Variants in TMEM147 observed in about 807,000 individuals in gnomAD.
TMEM147 encodes transmembrane protein 147.
A neutral mutation model predicts 29.4 loss-of-function variants in TMEM147; 29 were observed. The observed-to-expected ratio is 0.99, with a 90% CI of 0.73 to 1.34. TMEM147 has a LOEUF of 1.34. Among genes scored for constraint, TMEM147 ranks in the 40% most tolerant of loss-of-function variants. TMEM147 has a pLI of 0.00. For missense variants in TMEM147, 260 were observed against 289.4 expected (o/e 0.90, Z 0.74); for synonymous variants, 121 against 111.8 (o/e 1.08, Z -0.52).
At position 35,545,872 on chromosome 19, in the gene TMEM147, C is replaced by T. The variant is rs776430293; in HGVS notation, c.78-16C>T. The T allele has an allele frequency of 1.1e-5, 17 of 1,613,810 alleles. No homozygotes were observed. Among genetic ancestry groups the T allele is most frequent in the Middle Eastern group, 3.3e-4 (2 of 6,078 alleles). On this transcript the variant is annotated splice_polypyrimidine_tract_variant and intron_variant, in intron 1 of 6. Coordinates refer to ENST00000222284, the MANE Select transcript of TMEM147 (RefSeq NM_032635.4). The stretch of plus-strand genomic sequence containing the variant: ...GGCGCGGGGCCCGGGCCGACCCTCA[C>T]CTCCCGCTTCTCCAGGTCCGAGTAC...
chr19:35,545,748 G>A lies in TMEM147; in HGVS notation c.9G>A (p.Leu3=). The A allele has an allele frequency of 1.9e-6, 3 of 1,612,432 alleles. No individual in the cohort carries two copies. The highest frequency in any genetic ancestry group is 1.7e-6 in the Non-Finnish European group (2 of 1,179,858). MT[L]FHFGNCFALA... Reference sequence around the variant, plus strand: ...ACCGGGCGGCCGGCATCATGACCCTGTTTCACTTCGGGAACTGCTTCGCTC... The same window carrying A: ...ACCGGGCGGCCGGCATCATGACCCTATTTCACTTCGGGAACTGCTTCGCTC... Residue 3 remains leucine (L), a synonymous_variant, in exon 1 of 7, where the codon CTG becomes CTA. Transcript: ENST00000222284.
At position 35,545,948 on chromosome 19, in the gene TMEM147, A is replaced by G. The variant is rs770882674; in HGVS notation, c.138A>G (p.Gln46=). The G allele has an allele frequency of 1.2e-6, 2 of 1,613,100 alleles. No individual in the cohort carries two copies. The highest frequency in any genetic ancestry group is 1.7e-6 in the Non-Finnish European group (2 of 1,179,726). Residue 46 remains glutamine (Q), a synonymous_variant, in exon 2 of 7, where the codon CAA becomes CAG. Coordinates refer to ENST00000222284, the MANE Select transcript of TMEM147 (RefSeq NM_032635.4). ...VQAGVTYLFV[Q]LCKMLFLATF... ...CTGGAGTCACCTACCTCTTTGTCCA[A>G]CTCTGCAAGGTGAGGGCCACCGGGA...
At chr19:35,546,505 C>G in intron 2 of TMEM147, 21 bp from the exon 3 acceptor site, 2 of 1,606,036 alleles carry the variant, frequency 1.2e-6, no homozygotes, top group Non-Finnish European at 1.7e-6. Context: ...GAAGTGACCT[C>G]TTTCTGCTTT....
In TMEM147 at chr19:35,545,688, C is replaced by A; in HGVS notation, c.-52C>A. 6.3e-7 allele frequency: 1 copy of A among 1,591,022 alleles called. No homozygotes were observed. The highest frequency in any genetic ancestry group is 8.5e-7 in the Non-Finnish European group (1 of 1,172,196). On this transcript the variant is annotated 5_prime_UTR_variant, in exon 1 of 7. Transcript: ENST00000222284. ...GCCGGCGGAGCCGGAGACCCGCTCC[C>A]GGAGACGCCGCCTCGCGATCCCCGC...
At chr19:35,546,890 G>T in intron 4 of TMEM147, 55 bp from the exon 5 acceptor site, 1 of 1,614,158 alleles carries the variant, frequency 6.2e-7, no homozygotes, top group East Asian at 2.2e-5. Flanking sequence ...GGGGCTCAAA[G>T]CCTGGTGCTG....
intron 5 of TMEM147, 36 bp downstream of exon 5, chr19:35,547,065 C>G: frequency 2.5e-6 from 4 of 1,614,242 alleles, no homozygotes; most frequent in Non-Finnish European, 3.4e-6. Context: ...CACATTTCTG[C>G]TGGCGGCCAT....
Position 35,545,704 on chromosome 19 carries a change from C to A in TMEM147, c.-36C>A, listed in dbSNP as rs1215098530. On this transcript the variant is annotated 5_prime_UTR_variant, in exon 1 of 7. Transcript: ENST00000222284. The stretch of plus-strand genomic sequence containing the variant: ...ACCCGCTCCCGGAGACGCCGCCTCG[C>A]GATCCCCGCGCGGGCGGGACCGGGC... The A allele has an allele frequency of 1.5e-5, 24 of 1,600,556 alleles. No individual in the cohort carries two copies. The highest frequency in any genetic ancestry group is 2.0e-5 in the Non-Finnish European group (23 of 1,177,102).
intron 6 of TMEM147, 39 bp from the exon 7 acceptor site, chr19:35,547,285 T>C (rs746184682): frequency 2.5e-6 from 4 of 1,614,094 alleles, no homozygotes; most frequent in Non-Finnish European, 3.4e-6. Context: ...TGGGGTGGGT[T>C]ATCTAGTCTC....
chr19:35,546,002 C>A (rs2071551935), intron 2 of TMEM147, 45 bp downstream of exon 2: 2 of 1,591,818 alleles, frequency 1.3e-6, no homozygotes, highest in East Asian at 2.3e-5. Flanking sequence ...CCAGGCTCTG[C>A]AGACCCAGGG....
Position 35,545,962 on chromosome 19 carries a change from G to T in TMEM147, c.147+5G>T, listed in dbSNP as rs759445870. ...CTCTTTGTCCAACTCTGCAAGGTGAGGGCCACCGGGAAGCCACGTGTTCTG... is the reference window on the plus strand; with the variant it reads ...CTCTTTGTCCAACTCTGCAAGGTGATGGCCACCGGGAAGCCACGTGTTCTG... On this transcript the variant is annotated splice_donor_5th_base_variant and intron_variant, in intron 2 of 6. Coordinates refer to ENST00000222284, the MANE Select transcript of TMEM147 (RefSeq NM_032635.4). 6.2e-7 allele frequency: 1 copy of T among 1,612,766 alleles called. No homozygotes were observed. Among genetic ancestry groups the T allele is most frequent in the African/African-American group, 1.3e-5 (1 of 74,910 alleles).
intron 2 of TMEM147, 133 bp downstream of exon 2, chr19:35,546,090 A>G (rs1452291444): frequency 2.0e-6 from 2 of 1,007,264 alleles, no homozygotes; most frequent in African/African-American, 1.6e-5. Context: ...GGGAGGCGTC[A>G]GGATACCTAG....
rs1173437830 is a variant in TMEM147, at chr19:35,546,759, A to C, written c.295A>C (p.Ile99Leu). Reference protein sequence around the residue: ...SRNAGKGEYKIMVAALGWATA... With the variant: ...SRNAGKGEYKLMVAALGWATA... ...GAATGCCGGCAAGGGAGAGTACAAG[A>C]TCATGGTTGCTGCCCTGGGCTGGGC... Residue 99 changes from isoleucine to leucine, a missense_variant, in exon 4 of 7, where the codon ATC (isoleucine) becomes CTC (leucine). By Grantham distance (5) the Ile-to-Leu change is conservative. Transcript: ENST00000222284. 1.2e-6 allele frequency: 2 copies of C among 1,614,198 alleles called. No homozygotes were observed. Among genetic ancestry groups the C allele is most frequent in the East Asian group, 4.5e-5 (2 of 44,886 alleles).
At position 35,547,007 on chromosome 19, in the gene TMEM147, G is replaced by C. The variant is rs1246153004; in HGVS notation, c.407G>C (p.Ser136Thr). 1.2e-6 allele frequency: 2 copies of C among 1,614,212 alleles called. No individual in the cohort carries two copies. The highest frequency in any genetic ancestry group is 2.2e-5 in the East Asian group (1 of 44,888). The change falls in exon 5 of 7, where the codon AGC (serine) becomes ACC (threonine). Residue 136 changes from serine (S) to threonine (T), a missense_variant. Transcript: ENST00000222284. ...IEFDWKYIQMSIDSNISLVHY... is the reference protein window; with the variant it reads ...IEFDWKYIQMTIDSNISLVHY... ...TTTGACTGGAAGTACATCCAGATGAGCATAGACTCCAACATCAGTCTGGTA... is the reference window on the plus strand; with the variant it reads ...TTTGACTGGAAGTACATCCAGATGACCATAGACTCCAACATCAGTCTGGTA...
chr19:35,546,419 C>G, intron 2 of TMEM147, 107 bp from the exon 3 acceptor site: 1 of 1,332,368 alleles, frequency 7.5e-7, no homozygotes, highest in African/African-American at 1.5e-5. Context: ...GATGGGCCCC[C>G]AGAACCTGTC....
Position 35,546,534 on chromosome 19 carries a change from C to T in TMEM147, c.156C>T (p.Phe52=), listed in dbSNP as rs777248575. Residue 52 remains phenylalanine, a synonymous_variant, in exon 3 of 7, where the codon TTC becomes TTT. Coordinates refer to ENST00000222284, the MANE Select transcript of TMEM147 (RefSeq NM_032635.4). The part of the protein sequence containing the change: ...YLFVQLCKML[F]LATFFPTWEG... ...CTGCTTTCTGTTCTCAGATGCTGTT[C>T]TTGGCCACTTTCTTTCCCACCTGGG... The T allele has an allele frequency of 1.7e-5, 28 of 1,612,930 alleles. No individual in the cohort carries two copies. The highest frequency in any genetic ancestry group is 2.4e-5 in the Non-Finnish European group (28 of 1,179,532).
At chr19:35,547,286 A>T (rs933263973) in intron 6 of TMEM147, 38 bp from the exon 7 acceptor site, 1 of 1,613,944 alleles carries the variant, frequency 6.2e-7, no homozygotes, top group African/African-American at 1.3e-5. Flanking sequence ...GGGGTGGGTT[A>T]TCTAGTCTCC....
chr19:35,545,992 C>T (rs1232513504), intron 2 of TMEM147, 35 bp downstream of exon 2: 18 of 1,603,136 alleles, frequency 1.1e-5, no homozygotes, highest in African/African-American at 2.7e-5. Flanking sequence ...GTTCTGGCCC[C>T]CAGGCTCTGC....
Position 35,545,651 on chromosome 19 carries a change from C to G in TMEM147, c.-89C>G. 1 of 1,441,316 alleles carries G rather than the reference C, an allele frequency of 6.9e-7. No homozygotes were observed. The highest frequency in any genetic ancestry group is 9.4e-7 in the Non-Finnish European group (1 of 1,065,142). The allele number at this position is 1,441,316 out of a possible 1,614,324, so 89.3% of individuals were successfully genotyped here. On this transcript the variant is annotated 5_prime_UTR_variant, in exon 1 of 7. Coordinates refer to ENST00000222284, the MANE Select transcript of TMEM147 (RefSeq NM_032635.4). ...AGTCAGGTGGGTGCCAGGCCCTGGC[C>G]GTGGCGAAAGAGCCGGCGGAGCCGG...
Position 35,546,812 on chromosome 19 carries a change from C to T in TMEM147, c.344+4C>T, listed in dbSNP as rs767106326. On this transcript the variant is annotated splice_donor_region_variant and intron_variant, in intron 4 of 6. Coordinates refer to ENST00000222284, the MANE Select transcript of TMEM147 (RefSeq NM_032635.4). ...CTGCTGAGCTTATTATGTCCCGGTG[C>T]GTACAGCAGCCTGGAGCCCAGACCC... is the stretch of plus-strand genomic sequence containing the variant. The T allele has an allele frequency of 1.4e-5, 22 of 1,614,038 alleles. 1 individual carries two copies. The highest frequency in any genetic ancestry group is 6.7e-5 in the Admixed American group (4 of 60,014).
Sources: allele counts gnomAD v4.1 joint callset, GRCh38; gene constraint gnomAD v4.1.1; transcripts MANE v1.5; gene names NCBI Gene and HGNC (gene_info 2026-07-23, HGNC 2026-07-21).